Variants in ZNF366 observed in about 807,000 individuals in gnomAD.
The protein encoded by ZNF366 is dendritic cell-specific transcript protein.
In ZNF366, 20 loss-of-function variants were observed where a neutral mutation model predicts 47.2. The observed-to-expected ratio is 0.42, with a 90% CI of 0.30 to 0.62. ZNF366 has a LOEUF of 0.62. Among genes scored for constraint, ZNF366 ranks in the 20% least tolerant of loss-of-function variants. The probability of loss-of-function intolerance (pLI) is 0.16; values close to 1 mark genes in which losing one functional copy is unlikely to be tolerated. For missense variants in ZNF366, 987 were observed against 976.3 expected (o/e 1.01, Z -0.15); for synonymous variants, 421 against 395.1 (o/e 1.07, Z -0.78).
chr5:72,461,371 G>T lies in ZNF366; in HGVS notation c.126C>A (p.His42Gln). Residue 42 changes from histidine (H) to glutamine (Q), a missense_variant, in exon 2 of 5, where the codon CAC becomes CAA. By Grantham distance (24) the His-to-Gln change is conservative (BLOSUM62 0). This residue lies in a region of ZNF366 where 591 missense variants were observed against 560.9 expected (regional missense o/e 1.05). Transcript: ENST00000318442. ...VASRGKAPQRHPFPEALRGPF... is the reference protein window; with the variant it reads ...VASRGKAPQRQPFPEALRGPF... ...GCCCTCGGAGAGCTTCCGGGAAGGGGTGTCTTTGGGGAGCCTTTCCCCGAG... is the reference window on the plus strand; with the variant it reads ...GCCCTCGGAGAGCTTCCGGGAAGGGTTGTCTTTGGGGAGCCTTTCCCCGAG... 4 of 1,614,034 alleles carry T rather than the reference G, an allele frequency of 2.5e-6. No homozygotes were observed. The highest frequency in any genetic ancestry group is 1.1e-5 in the South Asian group (1 of 91,072).
At chr5:72,483,476 C>A (rs1743828243) in intron 1 of ZNF366, among the ~76,000 whole-genome samples, 1 of 152,122 alleles carries the variant, frequency 6.6e-6, no homozygotes, top group Admixed American at 6.5e-5. Context: ...CCTCAGATAG[C>A]CCCTACCTGT....
Position 72,444,249 on chromosome 5 carries a change from A to T in ZNF366, c.1742T>A (p.Val581Asp), listed in dbSNP as rs753818006. 1.7e-5 allele frequency: 28 copies of T among 1,613,404 alleles called. No homozygotes were observed. Among genetic ancestry groups the T allele is most frequent in the Non-Finnish European group, 2.4e-5 (28 of 1,179,976 alleles). Residue 581 changes from valine (V) to aspartate (D), a missense_variant, in exon 5 of 5, where the codon GTC becomes GAC. Physicochemically the swap from Val to Asp is radical, Grantham distance 152. This residue lies in a region of ZNF366 where 285 missense variants were observed against 234.8 expected (regional missense o/e 1.21). Coordinates refer to ENST00000318442, the MANE Select transcript of ZNF366 (RefSeq NM_152625.3). ...GRIALAQTAGVLRSLEQEEPF... is the reference protein window; with the variant it reads ...GRIALAQTAGDLRSLEQEEPF... Reference sequence around the variant, plus strand: ...CTCCTCCTGCTCCAGACTCCTCAGGACACCGGCTGTCTGTGCCAGGGCGAT... The same window carrying T: ...CTCCTCCTGCTCCAGACTCCTCAGGTCACCGGCTGTCTGTGCCAGGGCGAT...
rs1467955494 is a variant in ZNF366 at position 72,460,177 on chromosome 5, G to A, written c.1320C>T (p.Ser440=). 1 of 1,614,064 alleles carries A rather than the reference G, an allele frequency of 6.2e-7. No individual in the cohort carries two copies. Among genetic ancestry groups the A allele is most frequent in the South Asian group, 1.1e-5 (1 of 91,058 alleles). The change falls in exon 2 of 5, where the codon TCC becomes TCT. Residue 440 remains serine, a synonymous_variant. Coordinates refer to ENST00000318442, the MANE Select transcript of ZNF366 (RefSeq NM_152625.3). ...GGCCCCGCAGTACCTTGTGGGTGAG[G>A]GAGTGCTGCTTGAGGTGGTGCGGCT... ...FVQPHHLKQH[S]LTHKGVKEHK...
At chr5:72,450,293 G>A (rs1334128556) in intron 3 of ZNF366, among the ~76,000 whole-genome samples, 1 of 152,138 alleles carries the variant, frequency 6.6e-6, no homozygotes, top group Non-Finnish European at 1.5e-5. Flanking sequence ...GGGTACTGTA[G>A]ACCTTGCAAT....
In ZNF366 at chr5:72,443,958, C is replaced by T. The variant is rs749807593; in HGVS notation, c.2033G>A (p.Arg678Lys). Residue 678 changes from arginine to lysine, a missense_variant, in exon 5 of 5, where the codon AGG becomes AAG. Around this residue, in one of 3 missense-constraint regions of ZNF366, gnomAD observed 285 missense variants for 234.8 expected, o/e 1.21. Coordinates refer to ENST00000318442, the MANE Select transcript of ZNF366 (RefSeq NM_152625.3). Reference protein sequence around the residue: ...EDASKGEWEKRSKGDLGAEGG... With the variant: ...EDASKGEWEKKSKGDLGAEGG... ...CTCTGCCCCAAGGTCACCCTTGCTC[C>T]TCTTCTCCCATTCTCCCTTGGATGC... is the stretch of plus-strand genomic sequence containing the variant. The T allele has an allele frequency of 2.5e-6, 4 of 1,614,080 alleles. No homozygotes were observed. Among genetic ancestry groups the T allele is most frequent in the Non-Finnish European group, 3.4e-6 (4 of 1,180,036 alleles).
intron 3 of ZNF366, among the ~76,000 whole-genome samples, chr5:72,447,777 G>A (rs1044265746): frequency 6.6e-6 from 1 of 152,192 alleles, no homozygotes; most frequent in East Asian, 1.9e-4. Flanking sequence ...TATTTATGCA[G>A]CATTTGCAAT....
chr5:72,445,075 C>T (rs1394940155), intron 4 of ZNF366, among the ~76,000 whole-genome samples: 2 of 152,180 alleles, frequency 1.3e-5, no homozygotes. Context: ...TACTCATAGA[C>T]AGGGTAGAGA....
At chr5:72,477,783 A>G (rs940156532) in intron 1 of ZNF366, among the ~76,000 whole-genome samples, 4 of 152,192 alleles carry the variant, frequency 2.6e-5, no homozygotes, top group African/African-American at 9.7e-5. Context: ...TCTCTGTTGC[A>G]ACTACTCAAT....
intron 1 of ZNF366, among the ~76,000 whole-genome samples, chr5:72,471,104 C>T (rs1303308440): frequency 6.6e-6 from 1 of 152,182 alleles, no homozygotes; most frequent in East Asian, 1.9e-4. Context: ...CCATGATTTC[C>T]CTCACTGACT....
chr5:72,482,825 T>C (rs1167174846), intron 1 of ZNF366, among the ~76,000 whole-genome samples: 1 of 151,474 alleles, frequency 6.6e-6, no homozygotes. Flanking sequence ...ATGCCTGACA[T>C]TTAAGAAAAT....
intron 2 of ZNF366, among the ~76,000 whole-genome samples, chr5:72,457,438 AG>A (rs1743214295): frequency 6.6e-6 from 1 of 152,226 alleles, no homozygotes; most frequent in Admixed American, 6.5e-5. Context: ...AGAAAAATTT[AG>A]AGAACCAGGG....
chr5:72,460,062 G>C, intron 2 of ZNF366, 103 bp downstream of exon 2: 1 of 1,454,678 alleles, frequency 6.9e-7, no homozygotes. Context: ...CCTCCTCGGG[G>C]TAAGGTGCAG....
intron 2 of ZNF366, among the ~76,000 whole-genome samples, chr5:72,456,962 C>G (rs576383065): frequency 6.6e-6 from 1 of 152,180 alleles, no homozygotes; most frequent in Non-Finnish European, 1.5e-5. Context: ...ATCCAGCTTT[C>G]ATGATAATGA....
At chr5:72,479,457 T>C (rs1284472786) in intron 1 of ZNF366, among the ~76,000 whole-genome samples, 1 of 151,964 alleles carries the variant, frequency 6.6e-6, no homozygotes, top group Admixed American at 6.5e-5. Flanking sequence ...AAATCCTGTA[T>C]GTCAAAAATC....
At chr5:72,490,904 T>C (rs1400829709) in intron 1 of ZNF366, among the ~76,000 whole-genome samples, 6 of 152,030 alleles carry the variant, frequency 3.9e-5, no homozygotes, top group Admixed American at 6.6e-5. Context: ...ACCCCAGCAG[T>C]GGTAGGAGCC....
chr5:72,449,889 C>T (rs12517661), intron 3 of ZNF366, among the ~76,000 whole-genome samples: 124,233 of 152,102 alleles, frequency 0.82, 51,234 homozygotes, highest in East Asian at 0.97. Flanking sequence ...AGGCATGTAG[C>T]GGGAGAGAAG....
At chr5:72,447,483 A>C in intron 3 of ZNF366, 66 bp from the exon 4 acceptor site, 1 of 1,569,390 alleles carries the variant, frequency 6.4e-7, no homozygotes, top group Non-Finnish European at 8.7e-7. Flanking sequence ...AGGCCCCTGG[A>C]GCACAGATAC....
chr5:72,462,198 T>C (rs1171338241), intron 1 of ZNF366, among the ~76,000 whole-genome samples: 2 of 152,182 alleles, frequency 1.3e-5, no homozygotes, highest in Non-Finnish European at 2.9e-5. Context: ...GACATAAACA[T>C]GATTTTAAAA....
At chr5:72,450,347 T>C (rs1337788230) in intron 3 of ZNF366, among the ~76,000 whole-genome samples, 2 of 152,138 alleles carry the variant, frequency 1.3e-5, no homozygotes, top group Admixed American at 1.3e-4. Flanking sequence ...CCCAACTCCA[T>C]GCACAGGGGT....
Sources: allele counts gnomAD v4.1 joint callset (sites outside exome capture counted in the v4.1 genomes callset), GRCh38; gene constraint gnomAD v4.1.1; regional missense constraint gnomAD v4.1.1; transcripts MANE v1.5; gene names NCBI Gene and HGNC (gene_info 2026-07-23, HGNC 2026-07-21).